The following UFM1 variants were observed in gnomAD, a reference collection of about 807,000 sequenced individuals.
The protein encoded by UFM1 is ubiquitin-fold modifier 1.
A neutral mutation model predicts 15.4 loss-of-function variants in UFM1; 9 were observed. The observed-to-expected ratio is 0.59, with a 90% confidence interval of 0.35 to 1.02. The LOEUF (loss-of-function observed/expected upper bound fraction) is 1.02. Ranked by LOEUF, UFM1 falls within the 50% of genes least tolerant of loss-of-function variation. UFM1 has a pLI of 0.02. For missense variants in UFM1, 98 were observed against 104.7 expected, an observed-to-expected ratio of 0.94 and a Z score of 0.28; for synonymous variants, 27 against 36.3, an observed-to-expected ratio of 0.74 and a Z score of 0.92.
chr13:38,351,888 A>G (rs993462819), intron 2 of UFM1, among the ~76,000 whole-genome samples: 8 of 151,992 alleles, frequency 5.3e-5, no homozygotes, highest in Non-Finnish European at 8.8e-5. Flanking sequence ...AAATTCACAT[A>G]ACGTGTAAAT....
At chr13:38,354,743 GTTT>G (rs991655970) in intron 3 of UFM1, 1 of 151,960 alleles carries the variant, frequency 6.6e-6, no homozygotes, top group Admixed American at 6.6e-5. Context: ...AAAGTTTCTA[GTTT>G]TTTAAAACAT....
chr13:38,354,425 A>G, intron 3 of UFM1, 129 bp downstream of exon 3: 3 of 645,506 alleles, frequency 4.6e-6, no homozygotes, highest in Non-Finnish European at 7.3e-6. Flanking sequence ...ATGTTATCAA[A>G]AAGTAGGATG....
intron 2 of UFM1, among the ~76,000 whole-genome samples, chr13:38,351,942 A>G (rs1034983539): frequency 1.3e-5 from 2 of 152,158 alleles, no homozygotes; most frequent in Admixed American, 6.5e-5. Context: ...TTCAAAGTAC[A>G]TGGTAACTAG....
chr13:38,359,916 G>A (rs926741834), intron 5 of UFM1: 5 of 207,992 alleles, frequency 2.4e-5, no homozygotes, highest in South Asian at 6.4e-5. Flanking sequence ...TAATCTCTTA[G>A]GCTTATAATC....
rs760459639 is a variant in UFM1 at position 38,349,900 on chromosome 13, G to A, written c.-20G>A. 5 of 1,613,998 alleles carry A rather than the reference G, an allele frequency of 3.1e-6. No homozygotes were observed. In the Admixed American group the frequency reaches 6.7e-5, roughly 22 times the overall value. ...CCCCCGCGGAGTTGTCGTGTGTTCT[G>A]GATTCATTCCGGCACCACCATGTAA... is the stretch of plus-strand genomic sequence containing the variant. On this transcript the variant is annotated 5_prime_UTR_variant, in exon 1 of 6. Coordinates refer to ENST00000239878, the MANE Select transcript of UFM1 (RefSeq NM_016617.4).
Position 38,350,278 on chromosome 13 carries a change from G to C in UFM1, c.59+223G>C, listed in dbSNP as rs537711805. 3.9e-6 allele frequency: 6 copies of C among 1,536,808 alleles called. No individual in the cohort carries two copies. In the African/African-American group the frequency reaches 8.2e-5, roughly 21 times the overall value. On this transcript the variant is annotated intron_variant, in intron 2 of 5. Coordinates refer to ENST00000239878, the MANE Select transcript of UFM1 (RefSeq NM_016617.4). ...GCTTGGCAGCTTGGCCCCGTCACGAGGGTGTGGGTGTGTTTCTGATTAGTG... is the reference window on the plus strand; with the variant it reads ...GCTTGGCAGCTTGGCCCCGTCACGACGGTGTGGGTGTGTTTCTGATTAGTG...
intron 2 of UFM1, among the ~76,000 whole-genome samples, chr13:38,351,121 T>C (rs1009003792): frequency 1.3e-5 from 2 of 152,218 alleles, no homozygotes; most frequent in African/African-American, 4.8e-5. Flanking sequence ...ACCTTACTCC[T>C]TATATAGTTA....
rs551981801 is a variant in UFM1, at chr13:38,352,271, G to A, written c.60-1968G>A. On this transcript the variant is annotated intron_variant, in intron 2 of 5. Coordinates refer to ENST00000239878, the MANE Select transcript of UFM1 (RefSeq NM_016617.4). Reference sequence around the variant, plus strand: ...TGCCACCTTGCCCAGCTAATTTTTTGTATTTTTAGTAGAGACGGGGTGTCA... The same window carrying A: ...TGCCACCTTGCCCAGCTAATTTTTTATATTTTTAGTAGAGACGGGGTGTCA... Among the ~76,000 whole-genome samples the A allele has an allele frequency of 4.6e-5, 7 of 151,796 alleles. No individual in the cohort carries two copies. In the South Asian group the frequency reaches 6.2e-4, roughly 14 times the overall value.
In UFM1 at chr13:38,350,145, C is replaced by G. The variant is rs753228455; in HGVS notation, c.59+90C>G. 9 of 1,613,940 alleles carry G rather than the reference C, an allele frequency of 5.6e-6. No homozygotes were observed. In the Admixed American group the frequency reaches 1.3e-4, roughly 24 times the overall value. ...CCGAGCTTTTCCAACAACTACCCCA[C>G]GCAGTCTTCATCTCTTCACTTCATC... On this transcript the variant is annotated intron_variant, in intron 2 of 5. Transcript: ENST00000239878.
intron 2 of UFM1, among the ~76,000 whole-genome samples, chr13:38,350,460 C>G (rs1176129724): frequency 1.3e-5 from 2 of 152,234 alleles, no homozygotes; most frequent in East Asian, 3.9e-4. Context: ...TTAAGGAAGA[C>G]ATTCCATCTT....
intron 2 of UFM1, among the ~76,000 whole-genome samples, chr13:38,352,434 C>T (rs977377657): frequency 1.3e-5 from 2 of 152,218 alleles, no homozygotes; most frequent in East Asian, 3.9e-4. Context: ...TAATCTCGCC[C>T]TTCTTGAGTT....
At chr13:38,352,070 C>G (rs1445755253) in intron 2 of UFM1, among the ~76,000 whole-genome samples, 2 of 151,536 alleles carry the variant, frequency 1.3e-5, no homozygotes, top group Admixed American at 6.6e-5. Context: ...AAAAATCTCA[C>G]CTCTATGAAG....
intron 3 of UFM1, among the ~76,000 whole-genome samples, chr13:38,356,073 T>C (rs1879079979): frequency 6.6e-6 from 1 of 151,820 alleles, no homozygotes; most frequent in Non-Finnish European, 1.5e-5. Flanking sequence ...AGAAAACCTG[T>C]CAGTACTGTA....
chr13:38,352,611 C>G (rs747959800), intron 2 of UFM1, among the ~76,000 whole-genome samples: 1 of 152,176 alleles, frequency 6.6e-6, no homozygotes, highest in Admixed American at 6.5e-5. Flanking sequence ...TATGAAATGA[C>G]TGGCAAATAC....
chr13:38,354,945 G>A (rs1459135741), intron 3 of UFM1: 1 of 151,930 alleles, frequency 6.6e-6, no homozygotes, highest in Admixed American at 6.6e-5. Flanking sequence ...GTGACATGAT[G>A]CAAATCCCTC....
At chr13:38,359,510 A>G in intron 5 of UFM1, 177 bp downstream of exon 5, 1 of 542,904 alleles carries the variant, frequency 1.8e-6, no homozygotes, top group East Asian at 3.1e-5. Flanking sequence ...CATTGTGTAT[A>G]TTGATTGTAG....
intron 4 of UFM1, among the ~76,000 whole-genome samples, chr13:38,358,879 A>G (rs543809321): frequency 1.3e-5 from 2 of 152,184 alleles, no homozygotes; most frequent in South Asian, 4.1e-4. Flanking sequence ...ATAACTTAGT[A>G]ACGTGTTGAA....
chr13:38,354,919 G>A (rs1791061446), intron 3 of UFM1: 2 of 151,892 alleles, frequency 1.3e-5, no homozygotes, highest in South Asian at 2.1e-4. Flanking sequence ...TTGTAGGTGC[G>A]TCATTAGTTA....
chr13:38,358,131 T>C lies in UFM1; in HGVS notation c.156T>C (p.Asn52=). Residue 52 remains asparagine, a splice_region_variant and synonymous_variant, in exon 4 of 6, where the codon AAT becomes AAC. Transcript: ENST00000239878. ...VPAATSAIIT[N]DGIGINPAQT... ...CTGCAACAAGTGCAATTATTACCAA[T>C]GGTAAGAATTCACTATAAAATTATG... 6.9e-7 allele frequency: 1 copy of C among 1,455,150 alleles called. No homozygotes were observed. Among genetic ancestry groups the C allele is most frequent in the South Asian group, 1.5e-5 (1 of 68,514 alleles). The allele number at this position is 1,455,150 out of a possible 1,614,324, so 90.1% of individuals were successfully genotyped here.
Sources: allele counts gnomAD v4.1 joint callset (sites outside exome capture counted in the v4.1 genomes callset), GRCh38; gene constraint gnomAD v4.1.1; transcripts MANE v1.5; gene names NCBI Gene and HGNC (gene_info 2026-07-23, HGNC 2026-07-21).